HSH2D: variants seen among roughly 807,000 people sequenced by gnomAD.
HSH2D encodes the protein hematopoietic SH2 domain containing.
In HSH2D, 16 loss-of-function variants were observed where a neutral mutation model predicts 21.5. The ratio of observed to expected loss-of-function variants is 0.74; its 90% CI spans 0.50 to 1.13. The LOEUF (loss-of-function observed/expected upper bound fraction) is 1.13. HSH2D is among the 50% of genes most tolerant of loss of function. The pLI is 0.00. For synonymous variants in HSH2D, 172 were observed against 184.7 expected (o/e 0.93, Z 0.56); for missense variants, 418 against 441.4 (o/e 0.95, Z 0.47).
rs7251209 is a variant in HSH2D, at chr19:16,158,021, A to G, written c.*227A>G. The G allele has an allele frequency of 0.063, 32,342 of 511,856 alleles. 1,255 individuals are homozygous for G. The highest frequency in any genetic ancestry group is 0.11 in the African/African-American group (5,895 of 52,048). 31.7% of individuals were successfully genotyped at this position (511,856 alleles called of 1,614,324 possible). A position where few individuals can be genotyped will look rare whatever the true frequency, so the allele number is the denominator to read the frequency against. On this transcript the variant is annotated 3_prime_UTR_variant, in exon 6 of 6. Coordinates refer to ENST00000613986, the MANE Select transcript of HSH2D (RefSeq NM_001382417.1). ...ACGCTGATGGTTTGGGGCACCAGCT[A>G]TACATCAGCCCCAGTGCCAGACCTT...
chr19:16,149,503 A>G (rs1182311441), intron 2 of HSH2D, among the ~76,000 whole-genome samples: 1 of 145,842 alleles, frequency 6.9e-6, no homozygotes. Flanking sequence ...GCACCCGGCC[A>G]GAATCTTTCT....
At chr19:16,149,315 G>A (rs1599418677) in intron 2 of HSH2D, among the ~76,000 whole-genome samples, 1 of 152,116 alleles carries the variant, frequency 6.6e-6, no homozygotes, top group Admixed American at 6.6e-5. Context: ...TGATTCTTCC[G>A]CCTCAACTTG....
intron 2 of HSH2D, chr19:16,151,675 G>T (rs919879009): frequency 4.5e-6 from 2 of 448,664 alleles, no homozygotes; most frequent in African/African-American, 4.1e-5. Context: ...ATGGGAGGAG[G>T]TCTGGCCTGA....
chr19:16,143,324 T>C (rs2091019677), upstream of HSH2D, among the ~76,000 whole-genome samples: 1 of 152,134 alleles, frequency 6.6e-6, no homozygotes, highest in Admixed American at 6.6e-5. Flanking sequence ...CCTCAAGTGA[T>C]CCGCCTGCCT....
Position 16,157,538 on chromosome 19 carries a change from C to A in HSH2D, c.803C>A (p.Pro268His), listed in dbSNP as rs142032443. Residue 268 changes from proline (P) to histidine (H), a missense_variant, in exon 6 of 6, where the codon CCC becomes CAC. Transcript: ENST00000613986. The surrounding 1 kb of genome is among the most constrained non-coding windows in gnomAD (Gnocchi z 4.4). ...PTSGDRGYTD[P>H]CVATSLKSPS... ...TCGGGGGACAGAGGCTACACGGATCCCTGTGTGGCCACATCTCTCAAAAGC... is the reference window on the plus strand; with the variant it reads ...TCGGGGGACAGAGGCTACACGGATCACTGTGTGGCCACATCTCTCAAAAGC... 2 of 1,613,828 alleles carry A rather than the reference C, an allele frequency of 1.2e-6. No homozygotes were observed. Among genetic ancestry groups the A allele is most frequent in the Non-Finnish European group, 1.7e-6 (2 of 1,179,802 alleles).
chr19:16,148,867 C>G lies in HSH2D; in HGVS notation c.117C>G (p.Ile39Met), dbSNP rs745316209. Residue 39 changes from isoleucine to methionine, a missense_variant, in exon 2 of 6, where the codon ATC (isoleucine) becomes ATG (methionine). Physicochemically the swap from Ile to Met is conservative, Grantham distance 10. Transcript: ENST00000613986. ...DGVPEWFHGA[I>M]SREDAENLLE... is the part of the protein sequence containing the mutation. The stretch of plus-strand genomic sequence containing the variant: ...TCCCCGAGTGGTTCCATGGTGCAAT[C>G]TCAAGAGAGTGAGGACACACCCACA... 6.2e-7 allele frequency: 1 copy of G among 1,612,454 alleles called. No homozygotes were observed. The highest frequency in any genetic ancestry group is 8.5e-7 in the Non-Finnish European group (1 of 1,179,112).
intron 1 of HSH2D, among the ~76,000 whole-genome samples, chr19:16,135,004 C>T (rs1460210962): frequency 6.6e-6 from 1 of 151,388 alleles, no homozygotes; most frequent in Non-Finnish European, 1.5e-5. Flanking sequence ...GGTGCAGTGG[C>T]GCATGCCTCA....
At position 16,158,312 on chromosome 19, in the gene HSH2D, C is replaced by A. The variant is rs2091263753; in HGVS notation, c.*518C>A. 1 of 152,522 alleles carries A rather than the reference C, an allele frequency of 6.6e-6. No individual in the cohort carries two copies. Among genetic ancestry groups the A allele is most frequent in the Non-Finnish European group, 1.5e-5 (1 of 68,378 alleles). 9.4% of individuals were successfully genotyped at this position (152,522 alleles called of 1,614,324 possible). A position where few individuals can be genotyped will look rare whatever the true frequency, so the allele number is the denominator to read the frequency against. Reference sequence around the variant, plus strand: ...CTCTGTGGGGCCGAGGCAGGCAGATCGCTTGAGGTCAGGAGTTCGAGACCA... The same window carrying A: ...CTCTGTGGGGCCGAGGCAGGCAGATAGCTTGAGGTCAGGAGTTCGAGACCA... On this transcript the variant is annotated 3_prime_UTR_variant, in exon 6 of 6. Transcript: ENST00000613986.
chr19:16,142,321 A>G (rs543091280), upstream of HSH2D, among the ~76,000 whole-genome samples: 180 of 152,030 alleles, frequency 1.2e-3, no homozygotes, highest in African/African-American at 4.1e-3. Flanking sequence ...ATTCCTTCTC[A>G]CCCTCAAATG....
intron 1 of HSH2D, among the ~76,000 whole-genome samples, chr19:16,136,833 C>A (rs1045474999): frequency 2.6e-5 from 4 of 152,164 alleles, no homozygotes; most frequent in African/African-American, 9.7e-5. Context: ...GTTTTTCACA[C>A]CCTATGCAAA....
chr19:16,143,598 A>C, upstream of HSH2D: 1 of 307,280 alleles, frequency 3.3e-6, no homozygotes, highest in Non-Finnish European at 6.7e-6. Flanking sequence ...GACTGCAGAC[A>C]GGGTGACTTG....
chr19:16,135,400 G>A (rs1741060175), intron 1 of HSH2D, among the ~76,000 whole-genome samples: 1 of 151,936 alleles, frequency 6.6e-6, no homozygotes, highest in South Asian at 2.1e-4. Context: ...CTACATTCCA[G>A]CCTGGGTGAC....
intron 1 of HSH2D, among the ~76,000 whole-genome samples, chr19:16,136,510 T>C (rs2090965248): frequency 6.6e-6 from 1 of 152,140 alleles, no homozygotes; most frequent in African/African-American, 2.4e-5. Flanking sequence ...GGAATTTCTT[T>C]TCTAACAAAA....
At chr19:16,152,428 A>AG in intron 2 of HSH2D, 124 bp from the exon 3 acceptor site, 1 of 543,934 alleles carries the variant, frequency 1.8e-6, no homozygotes, top group Non-Finnish European at 3.0e-6. Context: ...AAAAAAAAAA[A>AG]AAAGGAAAAA....
intron 1 of HSH2D, among the ~76,000 whole-genome samples, chr19:16,137,609 T>C (rs1471858979): frequency 6.8e-6 from 1 of 146,730 alleles, no homozygotes; most frequent in African/African-American, 2.5e-5. Context: ...AGAAGCAGGG[T>C]CTTGCTCTGT....
At chr19:16,147,483 C>CA (rs1033691785) in intron 1 of HSH2D, among the ~76,000 whole-genome samples, 2,949 of 61,236 alleles carry the variant, frequency 0.048, 51 homozygotes, top group African/African-American at 0.097. Context: ...GACCCTGTCT[C>CA]AAAAAAAAAA....
chr19:16,149,264 G>T (rs1006254333), intron 2 of HSH2D, among the ~76,000 whole-genome samples: 1 of 152,124 alleles, frequency 6.6e-6, no homozygotes, highest in African/African-American at 2.4e-5. Flanking sequence ...GTGCAGTGGT[G>T]CAATCTTGGC....
chr19:16,138,883 C>G (rs1305409744), upstream of HSH2D, among the ~76,000 whole-genome samples: 3 of 150,042 alleles, frequency 2.0e-5, no homozygotes, highest in Non-Finnish European at 4.4e-5. Flanking sequence ...TTTTGAGACA[C>G]AGTCTCACTC....
intron 3 of HSH2D, 120 bp downstream of exon 3, chr19:16,152,761 C>A: frequency 1.2e-6 from 1 of 829,552 alleles, no homozygotes; most frequent in Non-Finnish European, 2.0e-6. Flanking sequence ...GGCTGTGGAT[C>A]TGAGAACGGG....
Sources: allele counts gnomAD v4.1 joint callset (sites outside exome capture counted in the v4.1 genomes callset), GRCh38; gene constraint gnomAD v4.1.1; non-coding constraint Gnocchi (gnomAD v3.1); transcripts MANE v1.5; gene names NCBI Gene and HGNC (gene_info 2026-07-23, HGNC 2026-07-21).